The following ELF1 variants were observed in gnomAD, a reference collection of about 807,000 sequenced individuals.
The protein encoded by ELF1 is ETS-related transcription factor Elf-1.
In ELF1, 24 loss-of-function variants were observed where a neutral mutation model predicts 59.9. The observed-to-expected ratio is 0.40, with a 90% CI of 0.29 to 0.56. The LOEUF (loss-of-function observed/expected upper bound fraction) is 0.56. Ranked by LOEUF, ELF1 falls within the 20% of genes least tolerant of loss-of-function variation. ELF1 has a pLI of 0.44. For missense variants in ELF1, 627 were observed against 742.2 expected, an observed-to-expected ratio of 0.84 and a Z score of 1.80; for synonymous variants, 248 against 266.2, an observed-to-expected ratio of 0.93 and a Z score of 0.67.
At chr13:41,038,966 T>C (rs1052705209) in intron 1 of ELF1, among the ~76,000 whole-genome samples, 24 of 144,408 alleles carry the variant, frequency 1.7e-4, no homozygotes, top group Non-Finnish European at 6.0e-5. Context: ...TGAACCCAGA[T>C]TGCACCACTG....
At chr13:40,994,043 G>A (rs1193464577) in intron 1 of ELF1, among the ~76,000 whole-genome samples, 1 of 151,884 alleles carries the variant, frequency 6.6e-6, no homozygotes, top group Non-Finnish European at 1.5e-5. Flanking sequence ...AAACTAAACA[G>A]ACTGACTTTT....
At chr13:41,009,117 T>C (rs1874910629) in intron 1 of ELF1, among the ~76,000 whole-genome samples, 2 of 151,950 alleles carry the variant, frequency 1.3e-5, no homozygotes, top group South Asian at 2.1e-4. Context: ...AATAATTATG[T>C]TAAAATGTAA....
In ELF1 at chr13:40,958,874, T is replaced by C. The variant is rs1342806677; in HGVS notation, c.215A>G (p.Glu72Gly). The C allele has an allele frequency of 6.2e-7, 1 of 1,613,536 alleles. No individual in the cohort carries two copies. The highest frequency in any genetic ancestry group is 1.3e-5 in the African/African-American group (1 of 74,928). The change falls in exon 3 of 9, where the codon GAA becomes GGA. Residue 72 changes from glutamate to glycine, a missense_variant. Physicochemically the swap from Glu to Gly is moderately conservative, Grantham distance 98 (BLOSUM62 -2). Around this residue, in one of 3 missense-constraint regions of ELF1, gnomAD observed 232 missense variants for 269.2 expected, o/e 0.86. Coordinates refer to ENST00000239882, the MANE Select transcript of ELF1 (RefSeq NM_172373.4). ...GTCATCATCATCATCGTCTATGATT[T>C]CTTCTTCAGCAACATCCAGTGAACT... ...TESSLDVAEEEIIDDDDDDIT... is the reference protein window; with the variant it reads ...TESSLDVAEEGIIDDDDDDIT...
chr13:40,973,731 T>C (rs1872728088), intron 2 of ELF1, among the ~76,000 whole-genome samples: 2 of 152,080 alleles, frequency 1.3e-5, no homozygotes, highest in African/African-American at 4.8e-5. Flanking sequence ...GACAAGAAAC[T>C]GACCAACACA....
chr13:40,984,868 T>C (rs1436502449), intron 1 of ELF1, among the ~76,000 whole-genome samples: 1 of 152,236 alleles, frequency 6.6e-6, no homozygotes, highest in Non-Finnish European at 1.5e-5. Flanking sequence ...ACTGCTGTCA[T>C]GTACCTTTTC....
chr13:40,949,748 A>G, intron 5 of ELF1, 58 bp downstream of exon 5: 18 of 1,570,150 alleles, frequency 1.1e-5, no homozygotes, highest in Non-Finnish European at 1.6e-5. Context: ...AATAAAAGTG[A>G]TATCTAGATT....
intron 1 of ELF1, among the ~76,000 whole-genome samples, chr13:41,010,589 T>G (rs1006810681): frequency 6.6e-6 from 1 of 152,256 alleles, no homozygotes; most frequent in East Asian, 1.9e-4. Flanking sequence ...AATCTTTATA[T>G]AATTATAATA....
At chr13:41,005,468 A>AC (rs1392489536) in intron 1 of ELF1, among the ~76,000 whole-genome samples, 1 of 151,132 alleles carries the variant, frequency 6.6e-6, no homozygotes, top group Non-Finnish European at 1.5e-5. Flanking sequence ...AAAAAAAAAA[A>AC]AACCTACCAC....
intron 1 of ELF1, among the ~76,000 whole-genome samples, chr13:41,036,168 G>A (rs1351926621): frequency 5.9e-5 from 9 of 151,570 alleles, no homozygotes; most frequent in African/African-American, 1.5e-4. Context: ...CACCCGTCTC[G>A]GCCTCCCAAA....
chr13:41,051,151 G>C (rs904624506), intron 1 of ELF1, among the ~76,000 whole-genome samples: 28 of 151,814 alleles, frequency 1.8e-4, no homozygotes, highest in African/African-American at 6.8e-4. Flanking sequence ...AAAGAAAAAA[G>C]TTTTTAAAAG....
At chr13:41,020,066 C>A (rs1182203372), upstream of ELF1, among the ~76,000 whole-genome samples, 1 of 152,186 alleles carries the variant, frequency 6.6e-6, no homozygotes, top group East Asian at 1.9e-4. Flanking sequence ...GTTTGACTTA[C>A]CTTTCAAGCA....
chr13:41,051,144 G>GA (rs913320268), intron 1 of ELF1, among the ~76,000 whole-genome samples: 1 of 151,466 alleles, frequency 6.6e-6, no homozygotes, highest in East Asian at 1.9e-4. Flanking sequence ...CAATGCAAAA[G>GA]AAAAAAGTTT....
chr13:40,990,366 A>G (rs1303255539), intron 1 of ELF1, among the ~76,000 whole-genome samples: 1 of 152,150 alleles, frequency 6.6e-6, no homozygotes, highest in East Asian at 1.9e-4. Flanking sequence ...GGAAAAATTC[A>G]CTTTCGCCTC....
chr13:41,043,895 G>A (rs1566198667), intron 1 of ELF1, among the ~76,000 whole-genome samples: 1 of 152,126 alleles, frequency 6.6e-6, no homozygotes, highest in Non-Finnish European at 1.5e-5. Flanking sequence ...GGGCAGTATG[G>A]CCATTTTTGC....
At position 40,947,095 on chromosome 13, in the gene ELF1, A is replaced by T. The variant is rs149644943; in HGVS notation, c.529+2711T>A. On this transcript the variant is annotated intron_variant, in intron 5 of 8. Coordinates refer to ENST00000239882, the MANE Select transcript of ELF1 (RefSeq NM_172373.4). ...GTTGATAAAAGTGCCACTGCACTCC[A>T]GCCTGGGTGAGAGAACGAGACTCCA... Among the ~76,000 whole-genome samples the T allele has an allele frequency of 5.7e-3, 859 of 151,604 alleles. 8 individuals carry two copies. The highest frequency in any genetic ancestry group is 0.014 in the South Asian group (66 of 4,784).
At chr13:41,035,966 G>A (rs983562608) in intron 1 of ELF1, among the ~76,000 whole-genome samples, 13 of 150,576 alleles carry the variant, frequency 8.6e-5, no homozygotes, top group African/African-American at 7.3e-5. Flanking sequence ...GTGCAGTGGC[G>A]CAATCTCGGC....
chr13:41,005,973 A>G (rs1415857782), intron 1 of ELF1, among the ~76,000 whole-genome samples: 1 of 152,184 alleles, frequency 6.6e-6, no homozygotes, highest in East Asian at 1.9e-4. Flanking sequence ...CAATTCCACC[A>G]GAGTTTAGTG....
At chr13:41,040,155 A>G (rs1201219716) in intron 1 of ELF1, among the ~76,000 whole-genome samples, 1 of 152,168 alleles carries the variant, frequency 6.6e-6, no homozygotes, top group Admixed American at 6.5e-5. Context: ...AGTCCTTGGG[A>G]TTTATTCTAA....
At chr13:40,945,503 T>C (rs917709912) in intron 5 of ELF1, among the ~76,000 whole-genome samples, 1 of 152,054 alleles carries the variant, frequency 6.6e-6, no homozygotes, top group Non-Finnish European at 1.5e-5. Context: ...TTTTTTTGAG[T>C]GGGGAGAACT....
Sources: gnomAD v4.1 joint callset for allele counts (sites outside exome capture counted in the v4.1 genomes callset) on GRCh38, gnomAD v4.1.1 for gene constraint, gnomAD v4.1.1 regional missense constraint, MANE v1.5 for transcripts, NCBI Gene and HGNC (gene_info 2026-07-23, HGNC 2026-07-21) for gene names.